The following LDHB variants were observed in gnomAD, a reference collection of about 807,000 sequenced individuals.
The protein encoded by LDHB is L-lactate dehydrogenase B chain.
A neutral mutation model predicts 33.4 loss-of-function variants in LDHB; 18 were observed. The ratio of observed to expected loss-of-function variants is 0.54; its 90% confidence interval spans 0.37 to 0.80. The LOEUF (loss-of-function observed/expected upper bound fraction) is 0.80, where lower values mean the gene tolerates loss of function less well. Ranked by LOEUF, LDHB falls within the 30% of genes least tolerant of loss-of-function variation. The pLI is 0.00. For synonymous variants in LDHB, 121 were observed against 140.6 expected, an observed-to-expected ratio of 0.86 and a Z score of 0.98; for missense variants, 345 against 407.9, an observed-to-expected ratio of 0.85 and a Z score of 1.33.
chr12:21,639,028 T>C (rs1650290), intron 5 of LDHB, among the ~76,000 whole-genome samples: 143,548 of 151,878 alleles, frequency 0.95, 68,338 homozygotes, highest in East Asian at 1. Flanking sequence ...GTTATATGTT[T>C]CTTGGAGACC....
intron 2 of LDHB, among the ~76,000 whole-genome samples, chr12:21,650,764 T>G (rs937570845): frequency 5.9e-5 from 9 of 152,196 alleles, no homozygotes; most frequent in Non-Finnish European, 1.2e-4. Flanking sequence ...TTCATTTATT[T>G]ATCATGTAAG....
chr12:21,638,157 GA>G (rs1454124247), intron 6 of LDHB, among the ~76,000 whole-genome samples, 195 bp downstream of exon 6: 1 of 151,978 alleles, frequency 6.6e-6, no homozygotes, highest in Admixed American at 6.6e-5. Flanking sequence ...TTTCTCTAGA[GA>G]AAATATTTAC....
chr12:21,641,449 A>G (rs1471754371), intron 5 of LDHB, among the ~76,000 whole-genome samples: 1 of 152,198 alleles, frequency 6.6e-6, no homozygotes, highest in Non-Finnish European at 1.5e-5. Context: ...AGATCATGAG[A>G]AACAGAGATA....
intron 4 of LDHB, among the ~76,000 whole-genome samples, chr12:21,642,582 G>A (rs781042182): frequency 8.6e-5 from 13 of 151,926 alleles, no homozygotes; most frequent in Non-Finnish European, 1.8e-4. Flanking sequence ...TGGGCATGAG[G>A]TATTCTTCAG....
chr12:21,636,684 T>C (rs1200487861), intron 7 of LDHB, among the ~76,000 whole-genome samples: 2 of 152,128 alleles, frequency 1.3e-5, no homozygotes, highest in Admixed American at 6.6e-5. Flanking sequence ...ATTTGCTCCA[T>C]AGCTTTTGAA....
At chr12:21,636,068 G>C (rs910517138) in intron 7 of LDHB, among the ~76,000 whole-genome samples, 3 of 152,078 alleles carry the variant, frequency 2.0e-5, no homozygotes, top group Non-Finnish European at 4.4e-5. Context: ...GAGAAAATTA[G>C]ATATTTGTAA....
intron 2 of LDHB, among the ~76,000 whole-genome samples, 170 bp from the exon 3 acceptor site, chr12:21,647,186 A>T (rs1489773582): frequency 6.6e-6 from 1 of 152,250 alleles, no homozygotes; most frequent in Non-Finnish European, 1.5e-5. Flanking sequence ...ACATGATACA[A>T]ACTATACTTT....
At chr12:21,646,750 T>TA in intron 3 of LDHB, 149 bp downstream of exon 3, 1 of 616,714 alleles carries the variant, frequency 1.6e-6, no homozygotes, top group East Asian at 2.8e-5. Flanking sequence ...ACATTATAAA[T>TA]ATCTTATTAA....
intron 5 of LDHB, among the ~76,000 whole-genome samples, chr12:21,639,901 T>C (rs1046643398): frequency 6.6e-6 from 1 of 151,960 alleles, no homozygotes; most frequent in African/African-American, 2.4e-5. Context: ...CATTCTTATA[T>C]AAAAAATCAG....
intron 6 of LDHB, among the ~76,000 whole-genome samples, chr12:21,638,073 T>C (rs922103116): frequency 6.6e-6 from 1 of 152,028 alleles, no homozygotes; most frequent in African/African-American, 2.4e-5. Flanking sequence ...ACCTTATTTG[T>C]TGAGAGGTGG....
At chr12:21,652,518 G>C (rs1054568981) in intron 2 of LDHB, among the ~76,000 whole-genome samples, 1 of 152,216 alleles carries the variant, frequency 6.6e-6, no homozygotes, top group South Asian at 2.1e-4. Context: ...TTATTGGCAC[G>C]AACAGTGAGC....
At position 21,642,073 on chromosome 12, in the gene LDHB, G is replaced by T. The variant is rs374548634; in HGVS notation, c.474C>A (p.Arg158=). The change falls in exon 5 of 8, where the codon CGC becomes CGA. Residue 158 remains arginine, a synonymous_variant. Transcript: ENST00000350669. The stretch of plus-strand genomic sequence containing the variant: ...CCAGATTACATCCACTTCCAATCAC[G>T]CGGTGTTTGGGTAATCCACTTAGTT... ...TWKLSGLPKH[R]VIGSGCNLDS... 4.3e-6 allele frequency: 7 copies of T among 1,612,506 alleles called. No homozygotes were observed. In the African/African-American group the frequency reaches 9.4e-5, roughly 22 times the overall value.
chr12:21,645,793 G>A (rs1159506353), intron 3 of LDHB, among the ~76,000 whole-genome samples: 2 of 151,814 alleles, frequency 1.3e-5, no homozygotes, highest in Non-Finnish European at 2.9e-5. Flanking sequence ...GCCGGCGTGG[G>A]TCCTCCGTAT....
At chr12:21,650,614 C>T (rs1401724155) in intron 2 of LDHB, among the ~76,000 whole-genome samples, 1 of 152,150 alleles carries the variant, frequency 6.6e-6, no homozygotes, top group Non-Finnish European at 1.5e-5. Context: ...TTCAGATCCT[C>T]CTCTTGGTAG....
At chr12:21,654,352 T>C (rs371832645) in intron 2 of LDHB, 191 bp downstream of exon 2, 23 of 599,750 alleles carry the variant, frequency 3.8e-5, no homozygotes, top group African/African-American at 3.1e-4. Context: ...TATGGTCACA[T>C]AGGGAGAATA....
chr12:21,652,385 A>G (rs534998423), intron 2 of LDHB, among the ~76,000 whole-genome samples: 1 of 152,366 alleles, frequency 6.6e-6, no homozygotes, highest in African/African-American at 2.4e-5. Context: ...CATCTCATCC[A>G]ACAGCAAGTA....
intron 1 of LDHB, chr12:21,657,122 T>C (rs1463698638): frequency 6.6e-6 from 1 of 152,120 alleles, no homozygotes. Context: ...AGTCTAGGAC[T>C]TCCTTACTCG....
intron 2 of LDHB, among the ~76,000 whole-genome samples, chr12:21,647,273 TAATGGAGAGGG>T (rs1370644826): frequency 1.3e-5 from 2 of 152,176 alleles, no homozygotes; most frequent in Admixed American, 6.5e-5. Context: ...AAGTCTATAT[TAATGGAGAGGG>T]AATGGTGAAA....
intron 2 of LDHB, 80 bp downstream of exon 2, chr12:21,654,463 T>G (rs1006791661): frequency 7.5e-7 from 1 of 1,337,302 alleles, no homozygotes; most frequent in African/African-American, 1.4e-5. Flanking sequence ...TTTAAAGATA[T>G]AATAAAATTC....
Sources: gnomAD v4.1 joint callset for allele counts (sites outside exome capture counted in the v4.1 genomes callset) on GRCh38, gnomAD v4.1.1 for gene constraint, MANE v1.5 for transcripts, NCBI Gene and HGNC (gene_info 2026-07-23, HGNC 2026-07-21) for gene names.